ZNF264: variants seen among roughly 807,000 people sequenced by gnomAD.
The protein encoded by ZNF264 is zinc finger protein 264.
Under a neutral mutation model 11.2 loss-of-function variants are expected in ZNF264, and 11 were observed. The ratio of observed to expected loss-of-function variants is 0.98; its 90% CI spans 0.62 to 1.63. The LOEUF (loss-of-function observed/expected upper bound fraction) is 1.63. Among genes scored for constraint, ZNF264 ranks in the 40% most tolerant of loss-of-function variants. The probability of loss-of-function intolerance (pLI) is 0.00; values close to 1 mark genes in which losing one functional copy is unlikely to be tolerated. For synonymous variants in ZNF264, 309 were observed against 279.8 expected, an observed-to-expected ratio of 1.10 and a Z score of -1.04; for missense variants, 752 against 768.1, an observed-to-expected ratio of 0.98 and a Z score of 0.25.
intron 3 of ZNF264, among the ~76,000 whole-genome samples, chr19:57,206,411 T>A (rs1028983279): frequency 3.8e-5 from 5 of 132,526 alleles, no homozygotes; most frequent in Non-Finnish European, 7.7e-5. Context: ...GCCCAGCTAA[T>A]TTTTTTTTTT....
rs201352660 is a variant in ZNF264, at chr19:57,212,386, G to C, written c.1289G>C (p.Ser430Thr). 8.7e-6 allele frequency: 14 copies of C among 1,612,850 alleles called. No homozygotes were observed. Among genetic ancestry groups the C allele is most frequent in the Middle Eastern group, 1.6e-4 (1 of 6,070 alleles). The change falls in exon 4 of 4, where the codon AGT becomes ACT. Residue 430 changes from serine (S) to threonine (T), a missense_variant. By Grantham distance (58) the Ser-to-Thr change is moderately conservative. Transcript: ENST00000263095. ...IHTGEKPFVCSECGKAFTHCS... is the reference protein window; with the variant it reads ...IHTGEKPFVCTECGKAFTHCS... ...ACTGGGGAGAAGCCCTTCGTGTGCA[G>C]TGAATGTGGAAAGGCCTTCACCCAC... is the stretch of plus-strand genomic sequence containing the variant.
At position 57,221,916 on chromosome 19, in the gene ZNF264, T is replaced by G. The variant is rs1331660403; in HGVS notation, c.*8935T>G. The stretch of plus-strand genomic sequence containing the variant: ...GGTGAACCTTGCAAACTCAAAAGGA[T>G]AGCAGTCTCCAACCTGCTGTTTTAT... On this transcript the variant is annotated 3_prime_UTR_variant, in exon 4 of 4. Transcript: ENST00000263095. 6.6e-6 allele frequency: 1 copy of G among 152,184 alleles called. No homozygotes were observed. Among genetic ancestry groups the G allele is most frequent in the Non-Finnish European group, 1.5e-5 (1 of 68,022 alleles). 9.4% of individuals were successfully genotyped at this position (152,184 alleles called of 1,614,324 possible).
intron 3 of ZNF264, among the ~76,000 whole-genome samples, chr19:57,206,094 C>G (rs1036779765): frequency 6.6e-6 from 1 of 152,164 alleles, no homozygotes; most frequent in Admixed American, 6.5e-5. Flanking sequence ...CAACTCCCCT[C>G]ACATTCCACC....
Position 57,191,879 on chromosome 19 carries a change from C to A in ZNF264, c.-35C>A. ...GGGTCCGTCAGGCCGCCCGGGGCTC[C>A]TCTGTCCCAGCTCTGCGGCCCAGGG... On this transcript the variant is annotated 5_prime_UTR_variant, in exon 1 of 4. Coordinates refer to ENST00000263095, the MANE Select transcript of ZNF264 (RefSeq NM_003417.5). The A allele has an allele frequency of 7.3e-7, 1 of 1,366,704 alleles. No individual in the cohort carries two copies. Among genetic ancestry groups the A allele is most frequent in the Non-Finnish European group, 9.5e-7 (1 of 1,056,168 alleles). The allele number at this position is 1,366,704 out of a possible 1,614,324, so 84.7% of individuals were successfully genotyped here. A position where few individuals can be genotyped will look rare whatever the true frequency, so the allele number is the denominator to read the frequency against.
At chr19:57,201,918 T>C (rs1180973780) in intron 2 of ZNF264, among the ~76,000 whole-genome samples, 1 of 151,774 alleles carries the variant, frequency 6.6e-6, no homozygotes, top group Non-Finnish European at 1.5e-5. Context: ...GTTGTATTAA[T>C]TTGTATCTAT....
intron 1 of ZNF264, 196 bp from the exon 2 acceptor site, chr19:57,193,679 G>T (rs933851978): frequency 1.6e-6 from 1 of 627,378 alleles, no homozygotes; most frequent in African/African-American, 2.0e-5. Flanking sequence ...CGTTAAATAG[G>T]AGGCTTCTCT....
At chr19:57,207,757 G>T (rs2087304129) in intron 3 of ZNF264, among the ~76,000 whole-genome samples, 1 of 151,002 alleles carries the variant, frequency 6.6e-6, no homozygotes, top group African/African-American at 2.4e-5. Context: ...ATGGAGTTTT[G>T]CTGTTGTTGC....
In ZNF264 at chr19:57,222,570, T is replaced by TACACACACAC. The variant is rs3833290; in HGVS notation, c.*9597_*9606dup. On this transcript the variant is annotated 3_prime_UTR_variant, in exon 4 of 4. Coordinates refer to ENST00000263095, the MANE Select transcript of ZNF264 (RefSeq NM_003417.5). ...TGTGTACATATGGACCACTTCAAGC[T>TACACACACAC]ACACACACACACACACATATACACG... 2.0e-5 allele frequency: 3 copies of TACACACACAC among 149,724 alleles called. No homozygotes were observed. The highest frequency in any genetic ancestry group is 7.4e-5 in the African/African-American group (3 of 40,680). The allele number at this position is 149,724 out of a possible 1,614,324, so 9.3% of individuals were successfully genotyped here. A position where few individuals can be genotyped will look rare whatever the true frequency, so the allele number is the denominator to read the frequency against.
Position 57,218,619 on chromosome 19 carries a change from T to C in ZNF264, c.*5638T>C, listed in dbSNP as rs1424779706. 1 of 152,244 alleles carries C rather than the reference T, an allele frequency of 6.6e-6. No individual in the cohort carries two copies. Among genetic ancestry groups the C allele is most frequent in the Non-Finnish European group, 1.5e-5 (1 of 68,044 alleles). 9.4% of individuals were successfully genotyped at this position (152,244 alleles called of 1,614,324 possible). ...CAATAACATGAGTGGCAGATCTTGT[T>C]TTACACTCCCATGGGTCCTTCAGGC... On this transcript the variant is annotated 3_prime_UTR_variant, in exon 4 of 4. Coordinates refer to ENST00000263095, the MANE Select transcript of ZNF264 (RefSeq NM_003417.5).
Position 57,212,580 on chromosome 19 carries a change from A to T in ZNF264, c.1483A>T (p.Met495Leu). 1.9e-6 allele frequency: 3 copies of T among 1,614,176 alleles called. No homozygotes were observed. Among genetic ancestry groups the T allele is most frequent in the Non-Finnish European group, 2.5e-6 (3 of 1,180,040 alleles). Residue 495 changes from methionine (M) to leucine (L), a missense_variant, in exon 4 of 4, where the codon ATG becomes TTG. Transcript: ENST00000263095. ...CVECGKAFTR[M>L]SGLTRHKRIH... ...GGAGTGTGGAAAGGCCTTCACCCGC[A>T]TGTCGGGCCTCACGAGGCACAAGCG...
In ZNF264 at chr19:57,191,921, C is replaced by A; in HGVS notation, c.8C>A (p.Ala3Glu). Residue 3 changes from alanine to glutamate, a missense_variant, in exon 1 of 4, where the codon GCA (alanine) becomes GAA (glutamate). Coordinates refer to ENST00000263095, the MANE Select transcript of ZNF264 (RefSeq NM_003417.5). ...GGCCCAGGGGGTGACGTGATGGCGGCAGCGGTGCTGACGGACCGGGCCCAG... is the reference window on the plus strand; with the variant it reads ...GGCCCAGGGGGTGACGTGATGGCGGAAGCGGTGCTGACGGACCGGGCCCAG... MA[A>E]AVLTDRAQVS... 1 of 1,522,744 alleles carries A rather than the reference C, an allele frequency of 6.6e-7. No homozygotes were observed. The highest frequency in any genetic ancestry group is 1.2e-5 in the South Asian group (1 of 81,770). The allele number at this position is 1,522,744 out of a possible 1,614,324, so 94.3% of individuals were successfully genotyped here.
rs777272606 is a variant in ZNF264, at chr19:57,212,133, T to C, written c.1036T>C (p.Leu346=). 2.5e-6 allele frequency: 4 copies of C among 1,613,922 alleles called. No homozygotes were observed. Among genetic ancestry groups the C allele is most frequent in the Non-Finnish European group, 3.4e-6 (4 of 1,179,982 alleles). The change falls in exon 4 of 4, where the codon TTG becomes CTG. Residue 346 remains leucine (L), a synonymous_variant. Transcript: ENST00000263095. ...VHSGENPYEC[L]ECGKVFKHRS... ...CAGTGGTGAGAATCCCTATGAGTGC[T>C]TGGAGTGTGGCAAGGTCTTCAAACA...
At position 57,191,903 on chromosome 19, in the gene ZNF264, G is replaced by C. The variant is rs774608778; in HGVS notation, c.-11G>C. 10 of 1,501,540 alleles carry C rather than the reference G, an allele frequency of 6.7e-6. No homozygotes were observed. Among genetic ancestry groups the C allele is most frequent in the Middle Eastern group, 1.8e-4 (1 of 5,552 alleles). 93.0% of individuals were successfully genotyped at this position (1,501,540 alleles called of 1,614,324 possible). On this transcript the variant is annotated 5_prime_UTR_variant, in exon 1 of 4. Coordinates refer to ENST00000263095, the MANE Select transcript of ZNF264 (RefSeq NM_003417.5). ...CCTCTGTCCCAGCTCTGCGGCCCAG[G>C]GGGTGACGTGATGGCGGCAGCGGTG... is the stretch of plus-strand genomic sequence containing the variant.
rs770944510 is a variant in ZNF264, at chr19:57,211,553, G to A, written c.456G>A (p.Gly152=). 2.5e-6 allele frequency: 4 copies of A among 1,614,092 alleles called. No homozygotes were observed. Among genetic ancestry groups the A allele is most frequent in the South Asian group, 2.2e-5 (2 of 91,078 alleles). The change falls in exon 4 of 4, where the codon GGG becomes GGA. Residue 152 remains glycine (G), a synonymous_variant. Transcript: ENST00000263095. ...PGIDPQEKSP[G]KMSPECDGLG... ...TAGATCCCCAGGAGAAGTCTCCTGG[G>A]AAGATGAGCCCTGAATGTGATGGTT...
chr19:57,217,716 A>G lies in ZNF264; in HGVS notation c.*4735A>G, dbSNP rs2087389917. On this transcript the variant is annotated 3_prime_UTR_variant, in exon 4 of 4. Coordinates refer to ENST00000263095, the MANE Select transcript of ZNF264 (RefSeq NM_003417.5). ...GTGTGAGCCACTGCACCCGGCCACA[A>G]GATGTAATTTTTACTTTATCTCTCA... 6.6e-6 allele frequency: 1 copy of G among 151,612 alleles called. No homozygotes were observed. The allele number at this position is 151,612 out of a possible 1,614,324, so 9.4% of individuals were successfully genotyped here.
chr19:57,210,303 A>G (rs1387414270), intron 3 of ZNF264, among the ~76,000 whole-genome samples: 1 of 152,218 alleles, frequency 6.6e-6, no homozygotes, highest in East Asian at 1.9e-4. Flanking sequence ...TTAAGGACAC[A>G]GTCCTCTAAG....
Position 57,215,557 on chromosome 19 carries a change from T to C in ZNF264, c.*2576T>C, listed in dbSNP as rs2087374349. The C allele has an allele frequency of 6.6e-6, 1 of 152,316 alleles. No individual in the cohort carries two copies. The highest frequency in any genetic ancestry group is 1.9e-4 in the East Asian group (1 of 5,184). 9.4% of individuals were successfully genotyped at this position (152,316 alleles called of 1,614,324 possible). ...TTGATTTCTGCTCTGATCGGTATTA[T>C]ATTCCACTTGCTTTGGTTGTATTTG... On this transcript the variant is annotated 3_prime_UTR_variant, in exon 4 of 4. Coordinates refer to ENST00000263095, the MANE Select transcript of ZNF264 (RefSeq NM_003417.5).
rs2087399314 is a variant in ZNF264, at chr19:57,219,026, A to G, written c.*6045A>G. On this transcript the variant is annotated 3_prime_UTR_variant, in exon 4 of 4. Coordinates refer to ENST00000263095, the MANE Select transcript of ZNF264 (RefSeq NM_003417.5). ...AATATTTCTATGAACAGATCTTACA[A>G]CTGAGAGTGATCTGCAGATTTTTCA... 2 of 152,034 alleles carry G rather than the reference A, an allele frequency of 1.3e-5. No homozygotes were observed. Among genetic ancestry groups the G allele is most frequent in the African/African-American group, 2.4e-5 (1 of 41,392 alleles). 9.4% of individuals were successfully genotyped at this position (152,034 alleles called of 1,614,324 possible).
chr19:57,208,926 T>C, intron 3 of ZNF264, among the ~76,000 whole-genome samples: 1 of 152,230 alleles, frequency 6.6e-6, no homozygotes, highest in East Asian at 1.9e-4. Context: ...TGTAATGTTT[T>C]AGCAACTTAC....
Sources: allele counts gnomAD v4.1 joint callset (sites outside exome capture counted in the v4.1 genomes callset), GRCh38; gene constraint gnomAD v4.1.1; transcripts MANE v1.5; gene names NCBI Gene and HGNC (gene_info 2026-07-23, HGNC 2026-07-21).